Variants in AFDN observed in about 807,000 individuals in gnomAD.
The protein encoded by AFDN is afadin, adherens junction formation factor.
Under a neutral mutation model 216.6 loss-of-function variants are expected in AFDN, and 68 were observed. The observed-to-expected ratio is 0.31, with a 90% CI of 0.26 to 0.38. The LOEUF (loss-of-function observed/expected upper bound fraction) is 0.38. Ranked by LOEUF, AFDN falls within the 10% of genes least tolerant of loss-of-function variation. The pLI is 1.00. For synonymous variants in AFDN, 868 were observed against 853.7 expected (o/e 1.02, Z -0.29); for missense variants, 2,136 against 2,342.0 (o/e 0.91, Z 1.82).
intron 1 of AFDN, among the ~76,000 whole-genome samples, chr6:167,834,457 G>GTTTTTTTTTTTTTTTT (rs11446838): frequency 2.7e-5 from 2 of 75,244 alleles, no homozygotes; most frequent in African/African-American, 5.2e-5. Context: ...TGTTGTTTCG[G>GTTTTTTTTTTTTTTTT]TTTTTTTTTT....
chr6:167,931,496 C>T (rs1793298277), intron 23 of AFDN, among the ~76,000 whole-genome samples: 1 of 152,038 alleles, frequency 6.6e-6, no homozygotes, highest in Non-Finnish European at 1.5e-5. Context: ...GTTAATTGGA[C>T]AGTGTAACAT....
At chr6:167,842,922 TA>T (rs1300128369) in intron 1 of AFDN, among the ~76,000 whole-genome samples, 1 of 152,228 alleles carries the variant, frequency 6.6e-6, no homozygotes, top group Non-Finnish European at 1.5e-5. Context: ...CATTTGCTAC[TA>T]TCTGTAAATA....
chr6:167,943,081 C>G, intron 23 of AFDN, 48 bp from the exon 24 acceptor site: 1 of 1,517,346 alleles, frequency 6.6e-7, no homozygotes, highest in Non-Finnish European at 9.1e-7. Context: ...TAGTGCATTT[C>G]TTACAATATA....
intron 1 of AFDN, among the ~76,000 whole-genome samples, chr6:167,831,005 G>A (rs1449474385): frequency 8.1e-6 from 1 of 123,152 alleles, no homozygotes; most frequent in Non-Finnish European, 1.6e-5. Context: ...GCAGTGGCAC[G>A]ATCTCAGCTC....
chr6:167,917,535 A>C (rs1486851042), intron 20 of AFDN, among the ~76,000 whole-genome samples: 1 of 152,154 alleles, frequency 6.6e-6, no homozygotes, highest in Non-Finnish European at 1.5e-5. Flanking sequence ...CTGAGTGTAG[A>C]GGGTGGGTAC....
chr6:167,883,638 A>G (rs1786425055), intron 6 of AFDN, among the ~76,000 whole-genome samples: 3 of 152,244 alleles, frequency 2.0e-5, no homozygotes, highest in East Asian at 1.9e-4. Flanking sequence ...TAAAGTGTGC[A>G]GTAGCATTGT....
Position 167,943,129 on chromosome 6 carries a change from G to A in AFDN, c.3100G>A (p.Gly1034Ser). ...GMGLSIVAAK[G>S]AGQDKLGIYV... ...TGTTTTCGCCTTGTTTTTGCAATAG[G>A]GTGCTGGTCAAGATAAACTAGGAAT... The change falls in exon 24 of 34, where the codon GGT (glycine) becomes AGT (serine). Residue 1034 changes from glycine (G) to serine (S), a missense_variant and splice_region_variant. Gly to Ser is a moderately conservative substitution (Grantham distance 56, BLOSUM62 0). Around this residue, in one of 8 missense-constraint regions of AFDN, gnomAD observed 74 missense variants for 98.8 expected, o/e 0.75. Coordinates refer to ENST00000683244, the MANE Select transcript of AFDN (RefSeq NM_001386888.1). 1.2e-6 allele frequency: 2 copies of A among 1,613,128 alleles called. No individual in the cohort carries two copies. The highest frequency in any genetic ancestry group is 1.7e-6 in the Non-Finnish European group (2 of 1,179,532).
chr6:167,969,004 A>T (rs975885765), intron 32 of AFDN, 110 bp from the exon 33 acceptor site: 18 of 830,736 alleles, frequency 2.2e-5, no homozygotes, highest in Non-Finnish European at 2.0e-6. Context: ...TTACCTTCCT[A>T]CTTACTCAGT....
At chr6:167,872,101 C>T (rs1784859222) in intron 3 of AFDN, 113 bp from the exon 4 acceptor site, 1 of 974,322 alleles carries the variant, frequency 1.0e-6, no homozygotes, top group Non-Finnish European at 1.6e-6. Context: ...TCCTGTGTTT[C>T]AGTAGCTTTG....
At chr6:167,952,264 T>C (rs1278036331) in intron 30 of AFDN, 77 bp downstream of exon 30, 3 of 1,608,148 alleles carry the variant, frequency 1.9e-6, no homozygotes. Flanking sequence ...TGGGGATAGC[T>C]AGGCCCCTGA....
rs186338985 is a variant in AFDN at position 167,946,102 on chromosome 6, T to C, written c.3359-605T>C. Among the ~76,000 whole-genome samples the C allele has an allele frequency of 4.0e-3, 605 of 152,314 alleles. 4 individuals are homozygous for C. The highest frequency in any genetic ancestry group is 0.014 in the African/African-American group (583 of 41,578). On this transcript the variant is annotated intron_variant, in intron 26 of 33. Transcript: ENST00000683244. Reference sequence around the variant, plus strand: ...CAGCTCAACAAAACCTCGTGTGGTATTGTCTGCCTTGCTCAGCATGTTGTT... The same window carrying C: ...CAGCTCAACAAAACCTCGTGTGGTACTGTCTGCCTTGCTCAGCATGTTGTT...
rs1424340720 is a variant in AFDN, at chr6:167,875,328, C to G, written c.579-7C>G. ...TAAAATATTTTTGGTATTTTTTTTT[C>G]TTACAGTGAAAATTCTCGACTGGCT... On this transcript the variant is annotated splice_region_variant and splice_polypyrimidine_tract_variant and intron_variant, in intron 4 of 33. Coordinates refer to ENST00000683244, the MANE Select transcript of AFDN (RefSeq NM_001386888.1). 2.5e-6 allele frequency: 4 copies of G among 1,588,376 alleles called. No homozygotes were observed. Among genetic ancestry groups the G allele is most frequent in the Non-Finnish European group, 3.4e-6 (4 of 1,171,760 alleles).
intron 21 of AFDN, among the ~76,000 whole-genome samples, chr6:167,919,444 T>C (rs1791512384): frequency 6.6e-6 from 1 of 152,230 alleles, no homozygotes; most frequent in Admixed American, 6.5e-5. Flanking sequence ...GGCATGTTGA[T>C]AGTACCCAGC....
chr6:167,845,816 A>T (rs968906380), intron 1 of AFDN, among the ~76,000 whole-genome samples: 1 of 152,198 alleles, frequency 6.6e-6, no homozygotes, highest in African/African-American at 2.4e-5. Flanking sequence ...ATAAAGAACT[A>T]CCCAAGACTG....
chr6:167,845,501 G>A (rs1489810576), intron 1 of AFDN, among the ~76,000 whole-genome samples: 5 of 151,946 alleles, frequency 3.3e-5, no homozygotes, highest in African/African-American at 4.8e-5. Context: ...AGGTTCAAGC[G>A]ATTCTCCTGC....
chr6:167,906,256 A>C (rs913780133), intron 12 of AFDN, among the ~76,000 whole-genome samples: 1 of 152,226 alleles, frequency 6.6e-6, no homozygotes, highest in African/African-American at 2.4e-5. Context: ...ATAGACAACA[A>C]AATGTTATAC....
chr6:167,906,286 T>A (rs373015754), intron 12 of AFDN, among the ~76,000 whole-genome samples: 1 of 152,200 alleles, frequency 6.6e-6, no homozygotes, highest in Non-Finnish European at 1.5e-5. Flanking sequence ...AAGTCTGTAA[T>A]ATAAAAATAA....
chr6:167,902,416 T>C, intron 12 of AFDN, 30 bp downstream of exon 12: 2 of 1,529,924 alleles, frequency 1.3e-6, no homozygotes, highest in Non-Finnish European at 1.8e-6. Flanking sequence ...CTGATAGAAG[T>C]GTGCTTGCTA....
chr6:167,870,756 G>C (rs993614620), intron 3 of AFDN, among the ~76,000 whole-genome samples: 4 of 151,942 alleles, frequency 2.6e-5, no homozygotes, highest in African/African-American at 4.8e-5. Flanking sequence ...GAGATTTAAT[G>C]ATCAGGTGAT....
Sources: gnomAD v4.1 joint callset for allele counts (sites outside exome capture counted in the v4.1 genomes callset) on GRCh38, gnomAD v4.1.1 for gene constraint, gnomAD v4.1.1 regional missense constraint, MANE v1.5 for transcripts, NCBI Gene and HGNC (gene_info 2026-07-23, HGNC 2026-07-21) for gene names.